DPF2: variants seen among roughly 807,000 people sequenced by gnomAD.
DPF2 encodes the protein zinc finger protein ubi-d4.
In DPF2, 10 loss-of-function variants were observed where a neutral mutation model predicts 59.6. The observed-to-expected ratio is 0.17, with a 90% confidence interval of 0.10 to 0.28. DPF2 has a LOEUF of 0.28. DPF2 is among the 10% of genes least tolerant of loss of function. The probability of loss-of-function intolerance (pLI) is 1.00; values close to 1 mark genes in which losing one functional copy is unlikely to be tolerated. For missense variants in DPF2, 315 were observed against 509.4 expected (o/e 0.62, Z 3.67); for synonymous variants, 189 against 190.6 (o/e 0.99, Z 0.07).
In DPF2 at chr11:65,351,770, C is replaced by G; in HGVS notation, c.*11C>G. ...CAGAACTCCTCTTGATGTGGCCACC[C>G]ACCTGCTCCCCGACATATCTAAGGC... is the stretch of plus-strand genomic sequence containing the variant. On this transcript the variant is annotated 3_prime_UTR_variant, in exon 11 of 11. Transcript: ENST00000528416. The G allele has an allele frequency of 1.2e-6, 2 of 1,612,280 alleles. No homozygotes were observed. Among genetic ancestry groups the G allele is most frequent in the East Asian group, 2.2e-5 (1 of 44,892 alleles).
chr11:65,341,657 G>C, intron 4 of DPF2, 95 bp downstream of exon 4: 1 of 1,540,236 alleles, frequency 6.5e-7, no homozygotes. Flanking sequence ...AACAGAAGCT[G>C]GAGTCCAGGA....
chr11:65,339,381 C>T (rs1333502367), intron 1 of DPF2, among the ~76,000 whole-genome samples: 2 of 152,208 alleles, frequency 1.3e-5, no homozygotes, highest in African/African-American at 4.8e-5. Flanking sequence ...TAACTCCTGG[C>T]ACTGTGCAGT....
Position 65,333,861 on chromosome 11 carries a change from C to T in DPF2, c.-26C>T, listed in dbSNP as rs368016884. 16 of 1,613,498 alleles carry T rather than the reference C, an allele frequency of 9.9e-6. No individual in the cohort carries two copies. Among genetic ancestry groups the T allele is most frequent in the Admixed American group, 1.7e-5 (1 of 59,996 alleles). The stretch of plus-strand genomic sequence containing the variant: ...GCGCGCTGCGGACTGTGGGGCTTCT[C>T]GGCCCGAGGCAGAGGAACAGGGAAG... On this transcript the variant is annotated 5_prime_UTR_variant, in exon 1 of 11. Transcript: ENST00000528416.
chr11:65,344,519 G>A, intron 6 of DPF2: 1 of 1,500,834 alleles, frequency 6.7e-7, no homozygotes, highest in Non-Finnish European at 8.9e-7. Context: ...TCCTGCTGCT[G>A]CTGCTCCTGT....
In DPF2 at chr11:65,341,006, C is replaced by T; in HGVS notation, c.234C>T (p.Arg78=). The T allele has an allele frequency of 6.2e-7, 1 of 1,614,134 alleles. No individual in the cohort carries two copies. The highest frequency in any genetic ancestry group is 8.5e-7 in the Non-Finnish European group (1 of 1,180,024). Residue 78 remains arginine, a synonymous_variant, in exon 3 of 11, where the codon CGC becomes CGT. Transcript: ENST00000528416. ...AGCTGTACTCCTACCCTGCCCGGCG[C>T]TGGCGGAAAAAGCGGCGAGCCCATC... ...SGQLYSYPAR[R]WRKKRRAHPP...
chr11:65,335,452 C>T (rs1196973183), intron 1 of DPF2, among the ~76,000 whole-genome samples: 2 of 152,142 alleles, frequency 1.3e-5, no homozygotes, highest in Admixed American at 6.6e-5. Context: ...GAAGATTTTC[C>T]TCAGAGAAAT....
chr11:65,349,917 T>C (rs981083910), intron 10 of DPF2, among the ~76,000 whole-genome samples: 8 of 152,098 alleles, frequency 5.3e-5, no homozygotes, highest in Admixed American at 3.3e-4. Context: ...AGTGTTTCAT[T>C]GTGTGATGTA....
intron 10 of DPF2, 75 bp downstream of exon 10, chr11:65,349,006 T>C (rs1854618371): frequency 6.5e-7 from 1 of 1,536,238 alleles, no homozygotes; most frequent in Admixed American, 1.7e-5. Context: ...CTATGTTCTT[T>C]ATGTTATCAC....
At chr11:65,345,525 T>A in intron 6 of DPF2, 141 bp from the exon 7 acceptor site, 1 of 1,243,054 alleles carries the variant, frequency 8.0e-7, no homozygotes, top group Non-Finnish European at 1.1e-6. Context: ...TGGCCGTCAC[T>A]CAAGGCCTGT....
chr11:65,349,912 T>A (rs1166165124), intron 10 of DPF2, among the ~76,000 whole-genome samples: 1 of 152,126 alleles, frequency 6.6e-6, no homozygotes, highest in Non-Finnish European at 1.5e-5. Context: ...GAGAAAGTGT[T>A]TCATTGTGTG....
Position 65,342,918 on chromosome 11 carries a change from C to T in DPF2, c.466-827C>T, listed in dbSNP as rs550258282. Among the ~76,000 whole-genome samples the T allele has an allele frequency of 8.1e-5, 12 of 148,214 alleles. No homozygotes were observed. The East Asian group carries it at 2.5e-3, about 31-fold the overall frequency. On this transcript the variant is annotated intron_variant, in intron 4 of 10. Transcript: ENST00000528416. The stretch of plus-strand genomic sequence containing the variant: ...AGTCCCAGCTACTCAGGCGCAAACC[C>T]GGGAGGCAGAGCTTGCAGTGAGCCG...
chr11:65,351,588 A>G, intron 10 of DPF2, 95 bp from the exon 11 acceptor site: 1 of 1,063,784 alleles, frequency 9.4e-7, no homozygotes, highest in Non-Finnish European at 1.5e-6. Context: ...CCTGTAGCTG[A>G]TCCTGCTATA....
At position 65,346,110 on chromosome 11, in the gene DPF2, G is replaced by C. The variant is rs367850661; in HGVS notation, c.904+52G>C. 87 of 1,609,370 alleles carry C rather than the reference G, an allele frequency of 5.4e-5. No individual in the cohort carries two copies. The South Asian group carries it at 9.3e-4, about 17-fold the overall frequency. On this transcript the variant is annotated intron_variant, in intron 8 of 10. Transcript: ENST00000528416. ...TTTGCCCAGTCCCCAAGGGGCTCTT[G>C]GCTTGCTGGCCTCTAGGGCTGTCAT... is the stretch of plus-strand genomic sequence containing the variant.
In DPF2 at chr11:65,333,853, G is replaced by C. The variant is rs1000771548; in HGVS notation, c.-34G>C. The C allele has an allele frequency of 4.3e-6, 7 of 1,613,342 alleles. No individual in the cohort carries two copies. In the African/African-American group the frequency reaches 8.0e-5, roughly 18 times the overall value. On this transcript the variant is annotated 5_prime_UTR_variant, in exon 1 of 11. Coordinates refer to ENST00000528416, the MANE Select transcript of DPF2 (RefSeq NM_006268.5). ...CGGCGCCTGCGCGCTGCGGACTGTG[G>C]GGCTTCTCGGCCCGAGGCAGAGGAA...
In DPF2 at chr11:65,341,517, T is replaced by C; in HGVS notation, c.420T>C (p.Asp140=). 1 of 1,614,182 alleles carries C rather than the reference T, an allele frequency of 6.2e-7. No homozygotes were observed. The highest frequency in any genetic ancestry group is 8.5e-7 in the Non-Finnish European group (1 of 1,180,024). Residue 140 remains aspartate (D), a synonymous_variant, in exon 4 of 11, where the codon GAT becomes GAC. Coordinates refer to ENST00000528416, the MANE Select transcript of DPF2 (RefSeq NM_006268.5). ...GTGCCCCGGATCCCCGAGTTGATGA[T>C]GACAGCCTGGGCGAGTTTCCTGTGA... ...KRGAPDPRVD[D]DSLGEFPVTN...
chr11:65,343,233 A>AGGTTGCG (rs1854429925), intron 4 of DPF2, among the ~76,000 whole-genome samples: 1 of 134,806 alleles, frequency 7.4e-6, no homozygotes, highest in Non-Finnish European at 1.6e-5. Flanking sequence ...CAGGAGACGG[A>AGGTTGCG]GGTTGCGGTA....
intron 1 of DPF2, 26 bp downstream of exon 1, chr11:65,333,944 A>AG: frequency 6.2e-7 from 1 of 1,610,434 alleles, no homozygotes; most frequent in Non-Finnish European, 8.5e-7. Context: ...TTTCTCTCCT[A>AG]GGGCGGCAGG....
Position 65,345,708 on chromosome 11 carries a change from A to G in DPF2, c.680A>G (p.His227Arg). The change falls in exon 7 of 11, where the codon CAC (histidine) becomes CGC (arginine). Residue 227 changes from histidine (H) to arginine (R), a missense_variant. Around this residue, in one of 4 missense-constraint regions of DPF2, gnomAD observed 58 missense variants for 84.6 expected, o/e 0.69. Transcript: ENST00000528416. ...RYKNRPGLSYHYAHSHLAEEE... is the reference protein window; with the variant it reads ...RYKNRPGLSYRYAHSHLAEEE... The stretch of plus-strand genomic sequence containing the variant: ...AAGAACCGACCAGGCCTCAGTTACC[A>G]CTATGCCCACTCCCACTTGGCTGAG... The G allele has an allele frequency of 6.2e-7, 1 of 1,614,114 alleles. No individual in the cohort carries two copies. Among genetic ancestry groups the G allele is most frequent in the Non-Finnish European group, 8.5e-7 (1 of 1,180,012 alleles).
chr11:65,345,482 C>A, intron 6 of DPF2, 184 bp from the exon 7 acceptor site: 1 of 745,146 alleles, frequency 1.3e-6, no homozygotes, highest in East Asian at 2.7e-5. Flanking sequence ...AGCTAGAGAG[C>A]CCCACGGCCT....
Sources: allele counts gnomAD v4.1 joint callset (sites outside exome capture counted in the v4.1 genomes callset), GRCh38; gene constraint gnomAD v4.1.1; regional missense constraint gnomAD v4.1.1; transcripts MANE v1.5; gene names NCBI Gene and HGNC (gene_info 2026-07-23, HGNC 2026-07-21).